Variants in GALNT13 observed in about 807,000 individuals in gnomAD.
The protein encoded by GALNT13 is polypeptide N-acetylgalactosaminyltransferase 13.
A neutral mutation model predicts 64.2 loss-of-function variants in GALNT13; 28 were observed. The ratio of observed to expected loss-of-function variants is 0.44; its 90% CI spans 0.32 to 0.60. The LOEUF (loss-of-function observed/expected upper bound fraction) is 0.60, where lower values mean the gene tolerates loss of function less well. Among genes scored for constraint, GALNT13 ranks in the 20% least tolerant of loss-of-function variants. The probability of loss-of-function intolerance (pLI) is 0.05; values close to 1 mark genes in which losing one functional copy is unlikely to be tolerated. For missense variants in GALNT13, 577 were observed against 669.8 expected (o/e 0.86, Z 1.53); for synonymous variants, 214 against 224.6 (o/e 0.95, Z 0.42).
intron 11 of GALNT13, among the ~76,000 whole-genome samples, chr2:154,417,489 T>TTTTATTTATTTA (rs59851032): frequency 0.42 from 55,906 of 131,952 alleles, 12,967 homozygotes; most frequent in South Asian, 0.53. Flanking sequence ...CTTGCCATGC[T>TTTTATTTATTTA]TTTATTTATT....
chr2:153,228,415 CA>C, the GALNT13 span, among the ~76,000 whole-genome samples: 1 of 152,138 alleles, frequency 6.6e-6, no homozygotes, highest in Admixed American at 6.6e-5. Flanking sequence ...CAATATATTA[CA>C]ATGATACAGA....
chr2:154,003,510 G>A (rs1011432379), intron 3 of GALNT13, among the ~76,000 whole-genome samples: 2 of 152,102 alleles, frequency 1.3e-5, no homozygotes, highest in Non-Finnish European at 1.5e-5. Context: ...GTGTACTTTT[G>A]TTGAGGGGAG....
the GALNT13 span, among the ~76,000 whole-genome samples, chr2:153,663,194 T>A: frequency 6.6e-6 from 1 of 152,228 alleles, no homozygotes; most frequent in Non-Finnish European, 1.5e-5. Context: ...CATACTTAAT[T>A]TTAAAAACTT....
intron 4 of GALNT13, among the ~76,000 whole-genome samples, chr2:154,241,611 A>G (rs926461499): frequency 6.6e-6 from 1 of 152,210 alleles, no homozygotes; most frequent in East Asian, 1.9e-4. Context: ...TCTGTTTTAC[A>G]TATTTCAAAA....
intron 9 of GALNT13, among the ~76,000 whole-genome samples, chr2:154,371,628 T>TA (rs1282386529): frequency 2.0e-5 from 3 of 152,062 alleles, no homozygotes; most frequent in Non-Finnish European, 4.4e-5. Flanking sequence ...AAACTCTGCA[T>TA]AATTTTAGAA....
the GALNT13 span, among the ~76,000 whole-genome samples, chr2:153,689,063 C>CGTGTGTGTGT: frequency 1.1e-4 from 7 of 66,338 alleles, no homozygotes; most frequent in African/African-American, 1.7e-4. Flanking sequence ...TGCTAAACCG[C>CGTGTGTGTGT]GTGTGTATGT....
intron 11 of GALNT13, among the ~76,000 whole-genome samples, chr2:154,421,847 A>G (rs1398567111): frequency 3.9e-5 from 6 of 152,128 alleles, no homozygotes; most frequent in Admixed American, 2.6e-4. Context: ...TTGAAACAAG[A>G]TGTAATATAA....
chr2:153,835,933 A>G, the GALNT13 span, among the ~76,000 whole-genome samples: 3 of 151,994 alleles, frequency 2.0e-5, no homozygotes, highest in African/African-American at 4.8e-5. Context: ...TAGCTTTGCC[A>G]TTTTGGGGGG....
At chr2:153,464,755 A>G in the GALNT13 span, among the ~76,000 whole-genome samples, 1 of 152,136 alleles carries the variant, frequency 6.6e-6, no homozygotes, top group Non-Finnish European at 1.5e-5. Flanking sequence ...CTAGAAACAG[A>G]CAACTCGGGT....
chr2:154,395,675 C>T (rs1234662708), intron 9 of GALNT13, among the ~76,000 whole-genome samples: 1 of 152,088 alleles, frequency 6.6e-6, no homozygotes, highest in Non-Finnish European at 1.5e-5. Context: ...ACATATTACA[C>T]AGCTCAGTTA....
the GALNT13 span, among the ~76,000 whole-genome samples, chr2:153,841,515 C>T: frequency 1.4e-3 from 215 of 151,996 alleles, 3 homozygotes; most frequent in Non-Finnish European, 2.0e-3. Context: ...ATAAATATTA[C>T]GATATGAATT....
chr2:153,193,667 T>G, the GALNT13 span, among the ~76,000 whole-genome samples: 3 of 150,258 alleles, frequency 2.0e-5, no homozygotes, highest in African/African-American at 7.6e-5. Flanking sequence ...AAAAAAACTT[T>G]TGAATCCTGT....
At chr2:153,439,167 T>A in the GALNT13 span, among the ~76,000 whole-genome samples, 1 of 152,086 alleles carries the variant, frequency 6.6e-6, no homozygotes, top group Non-Finnish European at 1.5e-5. Flanking sequence ...TGCTGCCTGA[T>A]CGTTCCTCTG....
the GALNT13 span, among the ~76,000 whole-genome samples, chr2:153,103,334 G>C: frequency 6.6e-6 from 1 of 152,078 alleles, no homozygotes; most frequent in African/African-American, 2.4e-5. Context: ...TGTTCCTCTT[G>C]CATAGAACAC....
At chr2:153,444,725 A>G in the GALNT13 span, among the ~76,000 whole-genome samples, 2 of 152,162 alleles carry the variant, frequency 1.3e-5, no homozygotes, top group Non-Finnish European at 2.9e-5. Flanking sequence ...GCCTCCTTTA[A>G]CAAAATGCAT....
chr2:153,507,112 G>T, the GALNT13 span, among the ~76,000 whole-genome samples: 12,804 of 151,912 alleles, frequency 0.084, 545 homozygotes, highest in South Asian at 0.15. Context: ...AAGCTCTAAA[G>T]TTCTTTCTTC....
the GALNT13 span, among the ~76,000 whole-genome samples, chr2:153,232,126 C>A: frequency 6.6e-6 from 1 of 152,134 alleles, no homozygotes; most frequent in Non-Finnish European, 1.5e-5. Context: ...AAATCAATTT[C>A]TATGCAACAC....
chr2:153,281,959 T>G, the GALNT13 span, among the ~76,000 whole-genome samples: 3 of 152,106 alleles, frequency 2.0e-5, no homozygotes, highest in Admixed American at 6.5e-5. Context: ...CTAGCAAGAT[T>G]AGAAAAATTT....
intron 2 of GALNT13, among the ~76,000 whole-genome samples, chr2:153,930,760 C>A (rs1255149816): frequency 5.9e-5 from 9 of 152,038 alleles, no homozygotes; most frequent in Admixed American, 5.9e-4. Context: ...TAGTGTGATT[C>A]CTCTGGCTTT....
Sources: gnomAD v4.1 joint callset for allele counts (sites outside exome capture counted in the v4.1 genomes callset) on GRCh38, gnomAD v4.1.1 for gene constraint, MANE v1.5 for transcripts, NCBI Gene and HGNC (gene_info 2026-07-23, HGNC 2026-07-21) for gene names.